EPHB3: variants seen among roughly 807,000 people sequenced by gnomAD.
The protein encoded by EPHB3 is EPH receptor B3.
Under a neutral mutation model 100.2 loss-of-function variants are expected in EPHB3, and 33 were observed. That is an observed-to-expected ratio of 0.33 (90% CI 0.25 to 0.44). The LOEUF (loss-of-function observed/expected upper bound fraction) is 0.44, where lower values mean the gene tolerates loss of function less well. Among genes scored for constraint, EPHB3 ranks in the 20% least tolerant of loss-of-function variants. The pLI is 1.00. For missense variants in EPHB3, 1,045 were observed against 1,378.3 expected, an observed-to-expected ratio of 0.76 and a Z score of 3.83; for synonymous variants, 526 against 554.7, an observed-to-expected ratio of 0.95 and a Z score of 0.73.
At chr3:184,567,481 GT>G (rs1714416751) in intron 1 of EPHB3, among the ~76,000 whole-genome samples, 4 of 29,558 alleles carry the variant, frequency 1.4e-4, no homozygotes, top group African/African-American at 4.2e-4. Flanking sequence ...TGCTTGCAGG[GT>G]GTGTGTGTGT....
At position 184,573,227 on chromosome 3, in the gene EPHB3, A is replaced by C; in HGVS notation, c.856+51A>C. The C allele has an allele frequency of 6.3e-7, 1 of 1,599,334 alleles. No individual in the cohort carries two copies. The highest frequency in any genetic ancestry group is 1.1e-5 in the South Asian group (1 of 90,896). ...GGGTTGTCGGGAGGGCCTGGGCCAC[A>C]GCTACCTACCGCCCCGCCCCCCACC... On this transcript the variant is annotated intron_variant, in intron 3 of 15. Transcript: ENST00000330394. The surrounding 1 kb of genome is among the most constrained non-coding windows in gnomAD (Gnocchi z 4.5).
Position 184,572,760 on chromosome 3 carries a change from C to T in EPHB3, c.440C>T (p.Pro147Leu), listed in dbSNP as rs773256225. The change falls in exon 3 of 16, where the codon CCC becomes CTC. Residue 147 changes from proline (P) to leucine (L), a missense_variant. Around this residue, in one of 2 missense-constraint regions of EPHB3, gnomAD observed 985 missense variants for 1,331.1 expected, o/e 0.74. Transcript: ENST00000330394. This position sits in a 1 kb window ranked among gnomAD's most constrained non-coding sequence, Gnocchi z 6.6. ...AGCGATGTGGCCTCAGCCTCCTCCC[C>T]CTTCTGGATGGAGAACCCCTACGTG... ...ADSDVASASS[P>L]FWMENPYVKV... The T allele has an allele frequency of 2.5e-6, 4 of 1,610,612 alleles. No individual in the cohort carries two copies. The highest frequency in any genetic ancestry group is 1.7e-5 in the Admixed American group (1 of 59,176).
Position 184,579,698 on chromosome 3 carries a change from G to A in EPHB3, c.1936G>A (p.Glu646Lys). Residue 646 changes from glutamate (E) to lysine (K), a missense_variant, in exon 11 of 16, where the codon GAA becomes AAA. Transcript: ENST00000330394. The surrounding 1 kb of genome is among the most constrained non-coding windows in gnomAD (Gnocchi z 5.2). Reference sequence around the variant, plus strand: ...CCTGTGCCCTGCAGGGGAATTTGGGGAAGTGTGCCGTGGTCGACTGAAACA... The same window carrying A: ...CCTGTGCCCTGCAGGGGAATTTGGGAAAGTGTGCCGTGGTCGACTGAAACA... ...EEVIGAGEFG[E>K]VCRGRLKQPG... 1 of 1,611,174 alleles carries A rather than the reference G, an allele frequency of 6.2e-7. No homozygotes were observed. The highest frequency in any genetic ancestry group is 1.1e-5 in the South Asian group (1 of 90,862).
Position 184,581,543 on chromosome 3 carries a change from C to A in EPHB3, c.2918C>A (p.Ala973Asp). ...EDLLRIGVTL[A>D]GHQKKILSSI... ...CTGCTCCGTATTGGGGTCACCCTGG[C>A]CGGCCACCAGAAGAAGATCCTGAGC... The change falls in exon 16 of 16, where the codon GCC becomes GAC. Residue 973 changes from alanine (A) to aspartate (D), a missense_variant. Physicochemically the swap from Ala to Asp is moderately radical, Grantham distance 126. This residue lies in a region of EPHB3 where 985 missense variants were observed against 1,331.1 expected (regional missense o/e 0.74). Coordinates refer to ENST00000330394, the MANE Select transcript of EPHB3 (RefSeq NM_004443.4). 6.2e-7 allele frequency: 1 copy of A among 1,613,828 alleles called. No homozygotes were observed. The highest frequency in any genetic ancestry group is 1.1e-5 in the South Asian group (1 of 91,064).
intron 3 of EPHB3, among the ~76,000 whole-genome samples, chr3:184,574,704 C>A (rs2108437681): frequency 6.6e-6 from 1 of 152,286 alleles, no homozygotes; most frequent in South Asian, 2.1e-4. Context: ...GGGAATCTGT[C>A]CTGAGATTTC....
Position 184,582,253 on chromosome 3 carries a change from AGTGTGT to A in EPHB3, c.*651_*656del, listed in dbSNP as rs35514470. 0.43 allele frequency: 65,077 copies of A among 150,534 alleles called. 15,387 individuals are homozygous for A. The highest frequency in any genetic ancestry group is 0.73 in the East Asian group (3,578 of 4,918). 9.3% of individuals were successfully genotyped at this position (150,534 alleles called of 1,614,324 possible). A position where few individuals can be genotyped will look rare whatever the true frequency, so the allele number is the denominator to read the frequency against. Reference sequence around the variant, plus strand: ...CTCAGAGCCAGAGATGGGATGTGTGAGTGTGTGTGTGTGTGTGTGTGTGTGCGCGCG... The same window carrying A: ...CTCAGAGCCAGAGATGGGATGTGTGAGTGTGTGTGTGTGTGTGTGCGCGCG... On this transcript the variant is annotated 3_prime_UTR_variant, in exon 16 of 16. Transcript: ENST00000330394.
chr3:184,581,203 C>T, intron 14 of EPHB3, 38 bp downstream of exon 14: 1 of 1,608,346 alleles, frequency 6.2e-7, no homozygotes, highest in Non-Finnish European at 8.5e-7. Context: ...AAGCCAGTAG[C>T]CCTATCTCCC....
intron 3 of EPHB3, 103 bp from the exon 4 acceptor site, chr3:184,575,727 G>A (rs1366354431): frequency 2.1e-6 from 3 of 1,410,406 alleles, no homozygotes; most frequent in South Asian, 1.5e-5. Flanking sequence ...AGGTGGAGGG[G>A]CCAGACCTAG....
At chr3:184,566,270 C>T (rs1306060451) in intron 1 of EPHB3, among the ~76,000 whole-genome samples, 1 of 152,242 alleles carries the variant, frequency 6.6e-6, no homozygotes, top group Non-Finnish European at 1.5e-5. Flanking sequence ...CATGGATGAG[C>T]ACCGAGGCGT....
chr3:184,562,431 C>G lies in EPHB3; in HGVS notation c.118+78C>G. The G allele has an allele frequency of 8.7e-7, 1 of 1,142,928 alleles. No individual in the cohort carries two copies. Among genetic ancestry groups the G allele is most frequent in the Non-Finnish European group, 1.1e-6 (1 of 930,378 alleles). The allele number at this position is 1,142,928 out of a possible 1,614,324, so 70.8% of individuals were successfully genotyped here. On this transcript the variant is annotated intron_variant, in intron 1 of 15. Coordinates refer to ENST00000330394, the MANE Select transcript of EPHB3 (RefSeq NM_004443.4). This position sits in a 1 kb window ranked among gnomAD's most constrained non-coding sequence, Gnocchi z 4.8. ...CTGCGGGCTAGCAGCGTGGGTCCGA[C>G]CCGGATTGAGCGCACGTCGGAGGAG...
intron 1 of EPHB3, among the ~76,000 whole-genome samples, chr3:184,570,430 T>C (rs1714510116): frequency 6.6e-6 from 1 of 152,252 alleles, no homozygotes; most frequent in South Asian, 2.1e-4. Flanking sequence ...TGTTCTCTTC[T>C]GTAAAAGGGA....
chr3:184,574,055 T>C (rs1195801737), intron 3 of EPHB3, among the ~76,000 whole-genome samples: 1 of 152,174 alleles, frequency 6.6e-6, no homozygotes, highest in East Asian at 1.9e-4. Context: ...GGTTTCCTTA[T>C]GTGCAAGATG....
At position 184,578,863 on chromosome 3, in the gene EPHB3, G is replaced by T. The variant is rs76315445; in HGVS notation, c.1801+397G>T. Among the ~76,000 whole-genome samples, 1,297 of 152,284 alleles carry T rather than the reference G, an allele frequency of 8.5e-3. 15 individuals carry two copies. The highest frequency in any genetic ancestry group is 0.029 in the African/African-American group (1,222 of 41,546). On this transcript the variant is annotated intron_variant, in intron 9 of 15. Coordinates refer to ENST00000330394, the MANE Select transcript of EPHB3 (RefSeq NM_004443.4). The surrounding 1 kb of genome is among the most constrained non-coding windows in gnomAD (Gnocchi z 4.7). The stretch of plus-strand genomic sequence containing the variant: ...CTGAGCCAGGCGGGATGAGCAGGGT[G>T]TTGGGAGGTGAGGGAGAGCATTCCT...
rs951062210 is a variant in EPHB3, at chr3:184,577,084, A to G, written c.1255A>G (p.Thr419Ala). The stretch of plus-strand genomic sequence containing the variant: ...CCACATCAGCCATCTGCTGGCCCAC[A>G]CGCGCTACACCTTTGAGGTGCAGGC... Reference protein sequence around the residue: ...RVHISHLLAHTRYTFEVQAVN... With the variant: ...RVHISHLLAHARYTFEVQAVN... Residue 419 changes from threonine (T) to alanine (A), a missense_variant, in exon 5 of 16, where the codon ACG becomes GCG. By Grantham distance (58) the Thr-to-Ala change is moderately conservative. Coordinates refer to ENST00000330394, the MANE Select transcript of EPHB3 (RefSeq NM_004443.4). This position sits in a 1 kb window ranked among gnomAD's most constrained non-coding sequence, Gnocchi z 4.9. 3 of 1,613,360 alleles carry G rather than the reference A, an allele frequency of 1.9e-6. No individual in the cohort carries two copies. In the African/African-American group the frequency reaches 4.0e-5, roughly 22 times the overall value.
At position 184,577,376 on chromosome 3, in the gene EPHB3, G is replaced by A. The variant is rs976448749; in HGVS notation, c.1388G>A (p.Ser463Asn). 4 of 1,613,706 alleles carry A rather than the reference G, an allele frequency of 2.5e-6. No homozygotes were observed. In the African/African-American group the frequency reaches 4.0e-5, roughly 16 times the overall value. The change falls in exon 6 of 16, where the codon AGC (serine) becomes AAC (asparagine). Residue 463 changes from serine (S) to asparagine (N), a missense_variant. Physicochemically the swap from Ser to Asn is conservative, Grantham distance 46. This residue lies in a region of EPHB3 where 985 missense variants were observed against 1,331.1 expected (regional missense o/e 0.74). Coordinates refer to ENST00000330394, the MANE Select transcript of EPHB3 (RefSeq NM_004443.4). This position sits in a 1 kb window ranked among gnomAD's most constrained non-coding sequence, Gnocchi z 4.9. ...PSEVPTLRLH[S>N]SSGSSLTLSW... ...GAAGTGCCCACACTACGCCTGCACAGCAGCTCAGGCAGCAGCCTCACCCTA... is the reference window on the plus strand; with the variant it reads ...GAAGTGCCCACACTACGCCTGCACAACAGCTCAGGCAGCAGCCTCACCCTA...
intron 3 of EPHB3, among the ~76,000 whole-genome samples, chr3:184,574,791 G>A (rs78769414): frequency 0.012 from 1,832 of 152,310 alleles, 29 homozygotes; most frequent in African/African-American, 0.041. Context: ...GCAGGTCCCC[G>A]GCAGGAAATG....
chr3:184,577,253 A>G lies in EPHB3; in HGVS notation c.1354+70A>G. Reference sequence around the variant, plus strand: ...TGGATGAGGTGTCCCAGGACCTGCTAAGGGACCACTGGGGGTCCCATGGGA... The same window carrying G: ...TGGATGAGGTGTCCCAGGACCTGCTGAGGGACCACTGGGGGTCCCATGGGA... On this transcript the variant is annotated intron_variant, in intron 5 of 15. Coordinates refer to ENST00000330394, the MANE Select transcript of EPHB3 (RefSeq NM_004443.4). The surrounding 1 kb of genome is among the most constrained non-coding windows in gnomAD (Gnocchi z 4.9). The G allele has an allele frequency of 1.3e-6, 2 of 1,580,580 alleles. No individual in the cohort carries two copies. The highest frequency in any genetic ancestry group is 8.6e-7 in the Non-Finnish European group (1 of 1,162,052).
rs1398671390 is a variant in EPHB3, at chr3:184,580,459, G to A, written c.2230G>A (p.Ala744Thr). The A allele has an allele frequency of 6.2e-7, 1 of 1,614,202 alleles. No individual in the cohort carries two copies. Among genetic ancestry groups the A allele is most frequent in the South Asian group, 1.1e-5 (1 of 91,080 alleles). Residue 744 changes from alanine (A) to threonine (T), a missense_variant, in exon 12 of 16, where the codon GCC (alanine) becomes ACC (threonine). Ala to Thr is a moderately conservative substitution (Grantham distance 58). Coordinates refer to ENST00000330394, the MANE Select transcript of EPHB3 (RefSeq NM_004443.4). ...GGTGGGCATGTTGCGGGGCATTGCT[G>A]CCGGCATGAAGTACCTGTCCGAGAT... ...QLVGMLRGIA[A>T]GMKYLSEMNY...
chr3:184,577,236 G>T lies in EPHB3; in HGVS notation c.1354+53G>T. The T allele has an allele frequency of 3.2e-6, 5 of 1,571,942 alleles. No homozygotes were observed. Among genetic ancestry groups the T allele is most frequent in the Non-Finnish European group, 4.3e-6 (5 of 1,156,650 alleles). On this transcript the variant is annotated intron_variant, in intron 5 of 15. Transcript: ENST00000330394. This position sits in a 1 kb window ranked among gnomAD's most constrained non-coding sequence, Gnocchi z 4.9. ...CCTGGGTCACTTTCTCCTGGATGAG[G>T]TGTCCCAGGACCTGCTAAGGGACCA...
Sources: allele counts gnomAD v4.1 joint callset (sites outside exome capture counted in the v4.1 genomes callset), GRCh38; gene constraint gnomAD v4.1.1; regional missense constraint gnomAD v4.1.1; non-coding constraint Gnocchi (gnomAD v3.1); transcripts MANE v1.5; gene names NCBI Gene and HGNC (gene_info 2026-07-23, HGNC 2026-07-21).